The following SYTL1 variants were observed in gnomAD, a reference collection of about 807,000 sequenced individuals.
The protein encoded by SYTL1 is synaptotagmin-like protein 1.
In SYTL1, 53 loss-of-function variants were observed where a neutral mutation model predicts 74.6. That is an observed-to-expected ratio of 0.71 (90% CI 0.57 to 0.89). SYTL1 has a LOEUF of 0.89. SYTL1 is among the 40% of genes least tolerant of loss of function. The pLI is 0.00. For missense variants in SYTL1, 728 were observed against 768.7 expected (o/e 0.95, Z 0.63); for synonymous variants, 329 against 324.9 (o/e 1.01, Z -0.14).
At position 27,350,553 on chromosome 1, in the gene SYTL1, G is replaced by A; in HGVS notation, c.1005+68G>A. On this transcript the variant is annotated intron_variant, in intron 10 of 14. Transcript: ENST00000616558. The surrounding 1 kb of genome is among the most constrained non-coding windows in gnomAD (Gnocchi z 6.3). The stretch of plus-strand genomic sequence containing the variant: ...ACGCCCCCTTCCTGCGGGGCTAGGT[G>A]GCAAGGGCAGCCAGTAACGTCATTG... The A allele has an allele frequency of 7.3e-7, 1 of 1,361,716 alleles. No homozygotes were observed. The highest frequency in any genetic ancestry group is 1.8e-5 in the Admixed American group (1 of 56,738). 84.4% of individuals were successfully genotyped at this position (1,361,716 alleles called of 1,614,324 possible).
At position 27,350,452 on chromosome 1, in the gene SYTL1, G is replaced by T. The variant is rs371641980; in HGVS notation, c.972G>T (p.Arg324=). ...QSKRKTAVKK[R]NLNPVFNETL... Reference sequence around the variant, plus strand: ...AGCGCAAGACGGCGGTGAAGAAACGGAATCTGAATCCGGTTTTCAACGAGA... The same window carrying T: ...AGCGCAAGACGGCGGTGAAGAAACGTAATCTGAATCCGGTTTTCAACGAGA... The change falls in exon 10 of 15, where the codon CGG becomes CGT. Residue 324 remains arginine (R), a synonymous_variant. Transcript: ENST00000616558. The surrounding 1 kb of genome is among the most constrained non-coding windows in gnomAD (Gnocchi z 6.3). 8.1e-5 allele frequency: 131 copies of T among 1,613,938 alleles called. No individual in the cohort carries two copies. The highest frequency in any genetic ancestry group is 1.7e-4 in the Admixed American group (10 of 59,998).
chr1:27,349,615 G>A, intron 7 of SYTL1, 37 bp from the exon 8 acceptor site: 1 of 1,568,074 alleles, frequency 6.4e-7, no homozygotes, highest in Non-Finnish European at 8.6e-7. Flanking sequence ...CAGGGGTGGG[G>A]AAAGAAGGGG....
Position 27,347,916 on chromosome 1 carries a change from C to T in SYTL1, c.413+36C>T. On this transcript the variant is annotated intron_variant, in intron 4 of 14. Transcript: ENST00000616558. The surrounding 1 kb of genome is among the most constrained non-coding windows in gnomAD (Gnocchi z 4.9). ...GTCTCAGGAAGGGGGAGATGGTGCC[C>T]ACCAGTCACCAGGGTCCCTCCCTCT... 1 of 1,613,156 alleles carries T rather than the reference C, an allele frequency of 6.2e-7. No homozygotes were observed. Among genetic ancestry groups the T allele is most frequent in the East Asian group, 2.2e-5 (1 of 44,876 alleles).
In SYTL1 at chr1:27,351,675, G is replaced by T; in HGVS notation, c.1343+120G>T. The T allele has an allele frequency of 1.5e-6, 1 of 658,418 alleles. No individual in the cohort carries two copies. The highest frequency in any genetic ancestry group is 1.9e-5 in the African/African-American group (1 of 53,810). 40.8% of individuals were successfully genotyped at this position (658,418 alleles called of 1,614,324 possible). ...AGCCTGGGCTTTCACCACTGAGCAG[G>T]GGTGAAGGGGACGGTTTGAGCAAAG... On this transcript the variant is annotated intron_variant, in intron 13 of 14. Coordinates refer to ENST00000616558, the MANE Select transcript of SYTL1 (RefSeq NM_001193308.2). This position sits in a 1 kb window ranked among gnomAD's most constrained non-coding sequence, Gnocchi z 5.0.
chr1:27,344,711 G>A lies in SYTL1; in HGVS notation c.-38-586G>A, dbSNP rs1004203208. ...CTAAAAATACAAAAATTAGCTGGGC[G>A]TGATGGTGCGTGCCTATAATCCCAG... is the stretch of plus-strand genomic sequence containing the variant. On this transcript the variant is annotated intron_variant, in intron 1 of 14. Transcript: ENST00000616558. Among the ~76,000 whole-genome samples the A allele has an allele frequency of 2.4e-4, 36 of 151,158 alleles. 1 individual carries two copies. Among genetic ancestry groups the A allele is most frequent in the Admixed American group, 6.6e-4 (10 of 15,214 alleles).
rs1475369399 is a variant in SYTL1, at chr1:27,350,191, G to T, written c.908+59G>T. On this transcript the variant is annotated intron_variant, in intron 9 of 14. Coordinates refer to ENST00000616558, the MANE Select transcript of SYTL1 (RefSeq NM_001193308.2). The surrounding 1 kb of genome is among the most constrained non-coding windows in gnomAD (Gnocchi z 6.3). ...GTCACAGCCCAGCCCACCATTCACA[G>T]GGTCTCGGCCTCCTCGTCCTCATCT... 16 of 1,459,574 alleles carry T rather than the reference G, an allele frequency of 1.1e-5. No individual in the cohort carries two copies. Among genetic ancestry groups the T allele is most frequent in the Admixed American group, 2.5e-5 (1 of 39,942 alleles). The allele number at this position is 1,459,574 out of a possible 1,614,324, so 90.4% of individuals were successfully genotyped here.
Position 27,349,770 on chromosome 1 carries a change from G to A in SYTL1, c.747+5G>A. On this transcript the variant is annotated splice_donor_5th_base_variant and intron_variant, in intron 8 of 14. Transcript: ENST00000616558. ...TCCAGCCTTAACTCCTCCACGGTGA[G>A]GCGGGAGGGAGGGGACCCGGGCGGC... The A allele has an allele frequency of 3.8e-6, 6 of 1,593,802 alleles. No individual in the cohort carries two copies. Among genetic ancestry groups the A allele is most frequent in the Non-Finnish European group, 4.3e-6 (5 of 1,175,634 alleles).
At position 27,349,392 on chromosome 1, in the gene SYTL1, C is replaced by A; in HGVS notation, c.533-6C>A. 1 of 1,446,208 alleles carries A rather than the reference C, an allele frequency of 6.9e-7. No homozygotes were observed. The highest frequency in any genetic ancestry group is 1.5e-5 in the South Asian group (1 of 67,562). The allele number at this position is 1,446,208 out of a possible 1,614,324, so 89.6% of individuals were successfully genotyped here. On this transcript the variant is annotated splice_region_variant and splice_polypyrimidine_tract_variant and intron_variant, in intron 6 of 14. Transcript: ENST00000616558. ...GGCTCGCTTAGCATCTCGTGCCCCA[C>A]CCCAGATCCTGGCCAAGGAGACCAA...
In SYTL1 at chr1:27,351,870, C is replaced by G; in HGVS notation, c.1343+315C>G. Reference sequence around the variant, plus strand: ...CTGGGAACTTATAGTTCAGTGTAAGCTTCTAGGGGACTTCTAGGGGTGCCT... The same window carrying G: ...CTGGGAACTTATAGTTCAGTGTAAGGTTCTAGGGGACTTCTAGGGGTGCCT... On this transcript the variant is annotated intron_variant, in intron 13 of 14. Transcript: ENST00000616558. This position sits in a 1 kb window ranked among gnomAD's most constrained non-coding sequence, Gnocchi z 5.0. 1 of 290,632 alleles carries G rather than the reference C, an allele frequency of 3.4e-6. No individual in the cohort carries two copies. The highest frequency in any genetic ancestry group is 5.0e-5 in the Admixed American group (1 of 19,862). The allele number at this position is 290,632 out of a possible 1,614,324, so 18.0% of individuals were successfully genotyped here. A position where few individuals can be genotyped will look rare whatever the true frequency, so the allele number is the denominator to read the frequency against.
In SYTL1 at chr1:27,350,657, G is replaced by A; in HGVS notation, c.1006-137G>A. ...TCGTGGTGGGCGTGGTGATAGTGCA[G>A]GTCCCCATTAATGCCCTTAGGGGCT... is the stretch of plus-strand genomic sequence containing the variant. On this transcript the variant is annotated intron_variant, in intron 10 of 14. Coordinates refer to ENST00000616558, the MANE Select transcript of SYTL1 (RefSeq NM_001193308.2). This position sits in a 1 kb window ranked among gnomAD's most constrained non-coding sequence, Gnocchi z 6.3. 1.8e-6 allele frequency: 2 copies of A among 1,139,800 alleles called. No homozygotes were observed. Among genetic ancestry groups the A allele is most frequent in the Non-Finnish European group, 1.3e-6 (1 of 797,698 alleles). The allele number at this position is 1,139,800 out of a possible 1,614,324, so 70.6% of individuals were successfully genotyped here. A position where few individuals can be genotyped will look rare whatever the true frequency, so the allele number is the denominator to read the frequency against.
chr1:27,350,362 C>A lies in SYTL1; in HGVS notation c.909-27C>A, dbSNP rs2015212418. On this transcript the variant is annotated intron_variant, in intron 9 of 14. Transcript: ENST00000616558. The surrounding 1 kb of genome is among the most constrained non-coding windows in gnomAD (Gnocchi z 6.3). ...GGGAGAAGGCTCTGGGAGGGCCCCT[C>A]CTCACCTCGGGTTCTCACCTCCCCA... The A allele has an allele frequency of 1.2e-6, 2 of 1,603,284 alleles. No homozygotes were observed. The highest frequency in any genetic ancestry group is 1.7e-6 in the Non-Finnish European group (2 of 1,170,210).
Position 27,350,503 on chromosome 1 carries a change from A to G in SYTL1, c.1005+18A>G. 6.3e-7 allele frequency: 1 copy of G among 1,597,274 alleles called. No homozygotes were observed. The highest frequency in any genetic ancestry group is 8.6e-7 in the Non-Finnish European group (1 of 1,167,098). On this transcript the variant is annotated intron_variant, in intron 10 of 14. Transcript: ENST00000616558. This position sits in a 1 kb window ranked among gnomAD's most constrained non-coding sequence, Gnocchi z 6.3. ...CTCTCCGGGTGAGGCTGTGACCACG[A>G]TGCGGTTCCCCGTTAATGAACTGGA...
At position 27,347,637 on chromosome 1, in the gene SYTL1, G is replaced by C; in HGVS notation, c.340+68G>C. 6.3e-6 allele frequency: 10 copies of C among 1,575,802 alleles called. No homozygotes were observed. The South Asian group carries it at 1.2e-4, about 18-fold the overall frequency. ...AGGGCGCTGGCTGTATGTGGACAGG[G>C]AGAGAGGACCACTAGGGCTCCAGTC... On this transcript the variant is annotated intron_variant, in intron 3 of 14. Coordinates refer to ENST00000616558, the MANE Select transcript of SYTL1 (RefSeq NM_001193308.2). This position sits in a 1 kb window ranked among gnomAD's most constrained non-coding sequence, Gnocchi z 4.9.
Position 27,343,449 on chromosome 1 carries a change from A to G in SYTL1, c.-39+1299A>G, listed in dbSNP as rs2014861708. Among the ~76,000 whole-genome samples, 1 of 151,936 alleles carries G rather than the reference A, an allele frequency of 6.6e-6. No individual in the cohort carries two copies. Among genetic ancestry groups the G allele is most frequent in the African/African-American group, 2.4e-5 (1 of 41,324 alleles). ...CTCCGTGGGAGTGGGTGCGGCAGTTACCTCAGGAGAGGAAGTTGGGGGTGT... is the reference window on the plus strand; with the variant it reads ...CTCCGTGGGAGTGGGTGCGGCAGTTGCCTCAGGAGAGGAAGTTGGGGGTGT... On this transcript the variant is annotated intron_variant, in intron 1 of 14. Coordinates refer to ENST00000616558, the MANE Select transcript of SYTL1 (RefSeq NM_001193308.2). The surrounding 1 kb of genome is among the most constrained non-coding windows in gnomAD (Gnocchi z 5.2).
chr1:27,350,521 G>A lies in SYTL1; in HGVS notation c.1005+36G>A, dbSNP rs1212638588. Reference sequence around the variant, plus strand: ...GACCACGATGCGGTTCCCCGTTAATGAACTGGACGCCCCCTTCCTGCGGGG... The same window carrying A: ...GACCACGATGCGGTTCCCCGTTAATAAACTGGACGCCCCCTTCCTGCGGGG... On this transcript the variant is annotated intron_variant, in intron 10 of 14. Transcript: ENST00000616558. The surrounding 1 kb of genome is among the most constrained non-coding windows in gnomAD (Gnocchi z 6.3). The A allele has an allele frequency of 6.5e-7, 1 of 1,547,670 alleles. No individual in the cohort carries two copies. Among genetic ancestry groups the A allele is most frequent in the Admixed American group, 1.7e-5 (1 of 59,554 alleles).
chr1:27,351,490 C>G lies in SYTL1; in HGVS notation c.1278C>G (p.Phe426Leu), dbSNP rs1020117681. ...AGLPPSGELH[F>L]WVKEARDLLP... ...TGCCCCCGAGCGGGGAGCTGCACTT[C>G]TGGGTGAAGGAGGCTCGGGACCTCC... is the stretch of plus-strand genomic sequence containing the variant. Residue 426 changes from phenylalanine (F) to leucine (L), a missense_variant, in exon 13 of 15, where the codon TTC becomes TTG. Phe to Leu is a conservative substitution (Grantham distance 22). Transcript: ENST00000616558. The surrounding 1 kb of genome is among the most constrained non-coding windows in gnomAD (Gnocchi z 5.0). 3.9e-6 allele frequency: 6 copies of G among 1,548,852 alleles called. No homozygotes were observed. The East Asian group carries it at 1.2e-4, about 32-fold the overall frequency.
Position 27,345,519 on chromosome 1 carries a change from G to GGGTCA in SYTL1, c.189_191+2dup, listed in dbSNP as rs1364936941. 12 of 1,551,520 alleles carry GGGTCA rather than the reference G, an allele frequency of 7.7e-6. No homozygotes were observed. The highest frequency in any genetic ancestry group is 2.0e-5 in the Admixed American group (1 of 50,858). The stretch of plus-strand genomic sequence containing the variant: ...CGCCTGCGCCAGCTGGAGGAGGGGC[G>GGGTCA]GGTCAGGTAAGGCAGGGCAGACCCT... On this transcript the variant is annotated frameshift_variant, in exon 2 of 15. Transcript: ENST00000616558. LOFTEE classifies it high-confidence loss of function. This position sits in a 1 kb window ranked among gnomAD's most constrained non-coding sequence, Gnocchi z 6.0.
chr1:27,343,691 TAATC>T lies in SYTL1; in HGVS notation c.-39+1544_-39+1547del, dbSNP rs2014876212. The stretch of plus-strand genomic sequence containing the variant: ...GTGCAGGCATATTTCTGCATTTAAT[TAATC>T]AAACTTTTACCAACCATCTGTTGTG... On this transcript the variant is annotated intron_variant, in intron 1 of 14. Coordinates refer to ENST00000616558, the MANE Select transcript of SYTL1 (RefSeq NM_001193308.2). This position sits in a 1 kb window ranked among gnomAD's most constrained non-coding sequence, Gnocchi z 5.2. 6.6e-6 allele frequency among the ~76,000 whole-genome samples: 1 copy of T among 152,142 alleles called. No homozygotes were observed. Among genetic ancestry groups the T allele is most frequent in the Non-Finnish European group, 1.5e-5 (1 of 68,022 alleles).
chr1:27,350,331 A>T lies in SYTL1; in HGVS notation c.909-58A>T. On this transcript the variant is annotated intron_variant, in intron 9 of 14. Coordinates refer to ENST00000616558, the MANE Select transcript of SYTL1 (RefSeq NM_001193308.2). The surrounding 1 kb of genome is among the most constrained non-coding windows in gnomAD (Gnocchi z 6.3). ...CGGGATGGTGGCTGGGGGAGCCCACAGGCAGGGGAGAAGGCTCTGGGAGGG... is the reference window on the plus strand; with the variant it reads ...CGGGATGGTGGCTGGGGGAGCCCACTGGCAGGGGAGAAGGCTCTGGGAGGG... The T allele has an allele frequency of 6.5e-7, 1 of 1,544,180 alleles. No individual in the cohort carries two copies. The highest frequency in any genetic ancestry group is 9.0e-7 in the Non-Finnish European group (1 of 1,116,378).
Sources: gnomAD v4.1 joint callset for allele counts (sites outside exome capture counted in the v4.1 genomes callset) on GRCh38, gnomAD v4.1.1 for gene constraint, Gnocchi (gnomAD v3.1) non-coding constraint, MANE v1.5 for transcripts, NCBI Gene and HGNC (gene_info 2026-07-23, HGNC 2026-07-21) for gene names.